RUNX1T1: variants seen among roughly 807,000 people sequenced by gnomAD.
RUNX1T1 encodes protein CBFA2T1.
RUNX1T1 carries 4 observed loss-of-function variants against 62.8 expected under a neutral mutation model. The ratio of observed to expected loss-of-function variants is 0.06; its 90% confidence interval spans 0.03 to 0.15. The LOEUF (loss-of-function observed/expected upper bound fraction) is 0.15. RUNX1T1 is among the 10% of genes least tolerant of loss of function. RUNX1T1 has a pLI of 1.00. For missense variants in RUNX1T1, 508 were observed against 754.3 expected (o/e 0.67, Z 3.82); for synonymous variants, 291 against 286.0 (o/e 1.02, Z -0.18).
At chr8:92,006,619 C>T (rs556051903) in intron 4 of RUNX1T1, 1 of 151,556 alleles carries the variant, frequency 6.6e-6, no homozygotes, top group East Asian at 1.9e-4. Flanking sequence ...TATGTAGAGC[C>T]AAGTTTCTGG....
At chr8:92,026,889 G>A (rs1244266404) in intron 1 of RUNX1T1, among the ~76,000 whole-genome samples, 35 of 143,720 alleles carry the variant, frequency 2.4e-4, no homozygotes, top group African/African-American at 8.3e-4. Context: ...AGGCCGAGAC[G>A]GGCGGATCAC....
intron 8 of RUNX1T1, among the ~76,000 whole-genome samples, chr8:91,985,885 A>G (rs151017044): frequency 6.6e-6 from 1 of 152,290 alleles, no homozygotes; most frequent in African/African-American, 2.4e-5. Flanking sequence ...TCAGTGCTGA[A>G]ACGCTGCCAT....
chr8:92,095,838 CTG>C (rs1837703201), intron 1 of RUNX1T1, among the ~76,000 whole-genome samples: 1 of 152,150 alleles, frequency 6.6e-6, no homozygotes, highest in Non-Finnish European at 1.5e-5. Flanking sequence ...ATCCAGCAAA[CTG>C]TATTTCCCTG....
chr8:91,964,075 G>A (rs1031284991), intron 10 of RUNX1T1, among the ~76,000 whole-genome samples: 1 of 152,164 alleles, frequency 6.6e-6, no homozygotes, highest in African/African-American at 2.4e-5. Context: ...TGAAGAATTT[G>A]TGGCTGAACA....
At chr8:91,970,344 T>G (rs1812561463) in intron 10 of RUNX1T1, among the ~76,000 whole-genome samples, 1 of 152,162 alleles carries the variant, frequency 6.6e-6, no homozygotes, top group African/African-American at 2.4e-5. Flanking sequence ...CATACACATA[T>G]GCACATGCAC....
intron 8 of RUNX1T1, 42 bp downstream of exon 9, chr8:91,986,082 A>G (rs1419261851): frequency 2.3e-6 from 3 of 1,310,366 alleles, no homozygotes; most frequent in Non-Finnish European, 3.3e-6. Flanking sequence ...TAACAGCATA[A>G]GAAATATGTG....
intron 8 of RUNX1T1, among the ~76,000 whole-genome samples, chr8:91,977,774 A>C (rs1032068237): frequency 5.9e-5 from 9 of 151,968 alleles, no homozygotes; most frequent in Non-Finnish European, 1.2e-4. Flanking sequence ...ACCTGTAGTT[A>C]ATAAAAACTT....
chr8:91,965,751 A>C (rs913912731), intron 10 of RUNX1T1, among the ~76,000 whole-genome samples: 23 of 151,970 alleles, frequency 1.5e-4, no homozygotes, highest in Admixed American at 1.2e-3. Flanking sequence ...GCCAAACCCC[A>C]CAGACTACTT....
chr8:92,052,600 A>G (rs1265402141), intron 1 of RUNX1T1, among the ~76,000 whole-genome samples: 1 of 152,238 alleles, frequency 6.6e-6, no homozygotes, highest in African/African-American at 2.4e-5. Flanking sequence ...CATTATCTAT[A>G]GAATATAAAA....
chr8:91,989,647 A>T (rs531281422), intron 6 of RUNX1T1, among the ~76,000 whole-genome samples: 1 of 152,348 alleles, frequency 6.6e-6, no homozygotes, highest in South Asian at 2.1e-4. Flanking sequence ...ATTTGCTAAC[A>T]CATCTACAAA....
intron 1 of RUNX1T1, among the ~76,000 whole-genome samples, chr8:92,043,897 G>T (rs1283935253): frequency 1.3e-5 from 2 of 149,046 alleles, no homozygotes; most frequent in African/African-American, 5.0e-5. Flanking sequence ...AGAATCGCTT[G>T]AACCCAGGAG....
intron 1 of RUNX1T1, among the ~76,000 whole-genome samples, chr8:92,090,263 T>C (rs902578910): frequency 2.0e-5 from 3 of 151,532 alleles, no homozygotes; most frequent in Admixed American, 6.6e-5. Context: ...TTTCCAGCAG[T>C]AAAGGTGGTG....
downstream of RUNX1T1, chr8:91,955,586 C>T: frequency 4.4e-6 from 1 of 226,228 alleles, no homozygotes. Context: ...AACAGGAACC[C>T]AGCTGGCACA....
At chr8:91,996,658 T>A (rs919906191) in intron 5 of RUNX1T1, among the ~76,000 whole-genome samples, 64 of 152,156 alleles carry the variant, frequency 4.2e-4, no homozygotes, top group African/African-American at 1.5e-3. Context: ...AGCCGTGTGA[T>A]CTCCAGTTAC....
intron 1 of RUNX1T1, among the ~76,000 whole-genome samples, chr8:92,059,202 T>C (rs1831511228): frequency 6.6e-6 from 1 of 152,226 alleles, no homozygotes; most frequent in Admixed American, 6.5e-5. Context: ...AAGGGTTGTT[T>C]GATACAGCAA....
chr8:92,034,668 A>ATG (rs1450188749), intron 1 of RUNX1T1, among the ~76,000 whole-genome samples: 13 of 150,274 alleles, frequency 8.7e-5, no homozygotes, highest in Admixed American at 6.7e-4. Flanking sequence ...TGGCATATAT[A>ATG]TATGTGTGTG....
intron 5 of RUNX1T1, among the ~76,000 whole-genome samples, chr8:92,000,367 T>C (rs192081740): frequency 2.2e-4 from 33 of 152,272 alleles, no homozygotes; most frequent in African/African-American, 6.7e-4. Flanking sequence ...GGCCTCCCAA[T>C]TGATGTGATT....
chr8:92,019,316 T>G (rs1168737310), intron 1 of RUNX1T1: 2 of 152,172 alleles, frequency 1.3e-5, no homozygotes, highest in African/African-American at 4.8e-5. Flanking sequence ...CTGGTCCATC[T>G]GGTTTTCATT....
chr8:92,072,428 G>C (rs748753018), intron 2 of RUNX1T1, among the ~76,000 whole-genome samples: 1 of 151,760 alleles, frequency 6.6e-6, no homozygotes, highest in African/African-American at 2.4e-5. Context: ...ATAAGAAAGT[G>C]GTATATTTAT....
Sources: allele counts gnomAD v4.1 joint callset (sites outside exome capture counted in the v4.1 genomes callset), GRCh38; gene constraint gnomAD v4.1.1; transcripts MANE v1.5; gene names NCBI Gene and HGNC (gene_info 2026-07-23, HGNC 2026-07-21).